Variants in CDH3 observed in about 807,000 individuals in gnomAD.
CDH3 encodes cadherin-3.
CDH3 carries 54 observed loss-of-function variants against 82.0 expected under a neutral mutation model. The ratio of observed to expected loss-of-function variants is 0.66; its 90% CI spans 0.53 to 0.83. The LOEUF is 0.83. Ranked by LOEUF, CDH3 falls within the 40% of genes least tolerant of loss-of-function variation. The pLI, the probability that CDH3 is intolerant of heterozygous loss-of-function variation, is 0.00. For synonymous variants in CDH3, 446 were observed against 437.9 expected, an observed-to-expected ratio of 1.02 and a Z score of -0.23; for missense variants, 1,054 against 1,084.6, an observed-to-expected ratio of 0.97 and a Z score of 0.40.
chr16:68,704,802 C>T (rs1041650255), downstream of CDH3, among the ~76,000 whole-genome samples: 3 of 152,202 alleles, frequency 2.0e-5, no homozygotes, highest in African/African-American at 7.2e-5. Flanking sequence ...CACCTGTAAT[C>T]CCAGCACTTT....
At chr16:68,661,892 T>C (rs1960590928) in intron 2 of CDH3, among the ~76,000 whole-genome samples, 1 of 152,232 alleles carries the variant, frequency 6.6e-6, no homozygotes, top group African/African-American at 2.4e-5. Flanking sequence ...GGTTTCGCCA[T>C]GTTGGCCAGG....
chr16:68,731,375 A>ATATATATATAT (rs1363109025), downstream of CDH3, among the ~76,000 whole-genome samples: 1 of 8,538 alleles, frequency 1.2e-4, no homozygotes, highest in Non-Finnish European at 2.3e-4. Context: ...TCTCAAAAAA[A>ATATATATATAT]AAAAAAAAAA....
intron 2 of CDH3, among the ~76,000 whole-genome samples, chr16:68,664,289 T>TGAATA (rs1346834580): frequency 6.6e-6 from 1 of 152,154 alleles, no homozygotes; most frequent in African/African-American, 2.4e-5. Context: ...AAAGAGATAC[T>TGAATA]GAATAGACAG....
chr16:68,710,105 G>C (rs553695564), intron 1 of CDH3, among the ~76,000 whole-genome samples: 1 of 152,356 alleles, frequency 6.6e-6, no homozygotes, highest in Non-Finnish European at 1.5e-5. Flanking sequence ...GAACCCACAG[G>C]AGATGGGGCG....
chr16:68,731,368 CAAAAA>C (rs869074059), downstream of CDH3, among the ~76,000 whole-genome samples: 30 of 2,268 alleles, frequency 0.013, 2 homozygotes, highest in Admixed American at 0.029. Flanking sequence ...AACTCCGTCT[CAAAAA>C]AAAAAAAAAA....
chr16:68,731,141 T>C (rs1202962565), downstream of CDH3, among the ~76,000 whole-genome samples: 1 of 124,248 alleles, frequency 8.0e-6, no homozygotes, highest in African/African-American at 3.1e-5. Context: ...TATATATATA[T>C]ATTAGGGCTG....
chr16:68,651,502 G>A, intron 2 of CDH3: 1 of 496,350 alleles, frequency 2.0e-6, no homozygotes, highest in Non-Finnish European at 4.0e-6. Context: ...TCGAAGTTTT[G>A]CTCCTGCTTC....
chr16:68,721,943 AGCTGG>A (rs1962169772), intron 1 of CDH3, among the ~76,000 whole-genome samples: 1 of 152,058 alleles, frequency 6.6e-6, no homozygotes, highest in Non-Finnish European at 1.5e-5. Context: ...TACAAAAGTT[AGCTGG>A]GTGTGTGGCG....
chr16:68,719,523 T>TTG (rs1171464734), intron 1 of CDH3, among the ~76,000 whole-genome samples: 8 of 147,014 alleles, frequency 5.4e-5, no homozygotes, highest in Non-Finnish European at 1.2e-4. Flanking sequence ...TTTTTTTTTT[T>TTG]TTGAGAGGGA....
In CDH3 at chr16:68,681,979, C is replaced by G. The variant is rs62057766; in HGVS notation, c.997-323C>G. Among the ~76,000 whole-genome samples, 846 of 152,316 alleles carry G rather than the reference C, an allele frequency of 5.6e-3. 9 individuals carry two copies. Among genetic ancestry groups the G allele is most frequent in the Middle Eastern group, 0.02 (6 of 294 alleles). On this transcript the variant is annotated intron_variant, in intron 8 of 15. Coordinates refer to ENST00000264012, the MANE Select transcript of CDH3 (RefSeq NM_001793.6). Reference sequence around the variant, plus strand: ...GCACCTAGCCCTTCTTGCCACCTTCCTTATTCCTTTCTGATCTCAGCTGGA... The same window carrying G: ...GCACCTAGCCCTTCTTGCCACCTTCGTTATTCCTTTCTGATCTCAGCTGGA...
chr16:68,683,002 C>T (rs1052001887), intron 9 of CDH3, among the ~76,000 whole-genome samples: 2 of 152,058 alleles, frequency 1.3e-5, no homozygotes, highest in Non-Finnish European at 2.9e-5. Flanking sequence ...ATTCCCAGCA[C>T]TTTAGGAGGC....
intron 1 of CDH3, among the ~76,000 whole-genome samples, chr16:68,716,419 G>A (rs542263660): frequency 2.6e-5 from 4 of 151,904 alleles, no homozygotes; most frequent in African/African-American, 7.2e-5. Flanking sequence ...CCAGGAGCTC[G>A]AGACCAGGCT....
At position 68,698,489 on chromosome 16, in the gene CDH3, A is replaced by G. The variant is rs972865481; in HGVS notation, c.*89A>G. 1 of 1,238,200 alleles carries G rather than the reference A, an allele frequency of 8.1e-7. No homozygotes were observed. Among genetic ancestry groups the G allele is most frequent in the Non-Finnish European group, 1.2e-6 (1 of 851,532 alleles). 76.7% of individuals were successfully genotyped at this position (1,238,200 alleles called of 1,614,324 possible). On this transcript the variant is annotated 3_prime_UTR_variant, in exon 16 of 16. Coordinates refer to ENST00000264012, the MANE Select transcript of CDH3 (RefSeq NM_001793.6). ...TTCCCCCTTCAGCTGAGGACTTCGG[A>G]GCTTGTCAGGAAGTGGCCGTAGCAA...
chr16:68,705,164 T>C (rs1037252796), downstream of CDH3, among the ~76,000 whole-genome samples: 1 of 152,182 alleles, frequency 6.6e-6, no homozygotes, highest in Non-Finnish European at 1.5e-5. Flanking sequence ...AGGTGGGCTC[T>C]TTTTACAATT....
At chr16:68,665,917 C>T (rs909723615) in intron 2 of CDH3, among the ~76,000 whole-genome samples, 5 of 152,172 alleles carry the variant, frequency 3.3e-5, no homozygotes, top group African/African-American at 9.7e-5. Context: ...GGGGGAAAAA[C>T]TCACATCAAA....
rs556924883 is a variant in CDH3, at chr16:68,695,256, C to T, written c.2004C>T (p.Phe668=). Residue 668 remains phenylalanine, a splice_region_variant and synonymous_variant, in exon 14 of 16, where the codon TTC becomes TTT. Coordinates refer to ENST00000264012, the MANE Select transcript of CDH3 (RefSeq NM_001793.6). ...PVLGAVLALL[F]LLLVLLLLVR... ...ACTCACACTCCCCAACCCTTGCAGT[C>T]CTCCTGCTGGTGCTGCTTTTGTTGG... is the stretch of plus-strand genomic sequence containing the variant. The T allele has an allele frequency of 1.2e-6, 2 of 1,614,122 alleles. No individual in the cohort carries two copies. Among genetic ancestry groups the T allele is most frequent in the South Asian group, 2.2e-5 (2 of 91,062 alleles).
At chr16:68,645,865 C>G (rs1447568594) in intron 2 of CDH3, 115 bp downstream of exon 2, 1 of 789,452 alleles carries the variant, frequency 1.3e-6, no homozygotes, top group African/African-American at 1.7e-5. Flanking sequence ...CCTCAGTTCC[C>G]GGGGAGGCGC....
exon 3 of CDH3, among the ~76,000 whole-genome samples, chr16:68,727,175 C>A (rs181760822): frequency 1.3e-5 from 2 of 152,130 alleles, no homozygotes; most frequent in African/African-American, 4.8e-5. Flanking sequence ...TGCCTTCTGC[C>A]CTTAAACATC....
chr16:68,672,509 C>T (rs905289767), intron 2 of CDH3, among the ~76,000 whole-genome samples: 1 of 152,178 alleles, frequency 6.6e-6, no homozygotes, highest in African/African-American at 2.4e-5. Context: ...GCAAAGCACT[C>T]ATCTTCTGAG....
Sources: allele counts gnomAD v4.1 joint callset (sites outside exome capture counted in the v4.1 genomes callset), GRCh38; gene constraint gnomAD v4.1.1; transcripts MANE v1.5; gene names NCBI Gene and HGNC (gene_info 2026-07-23, HGNC 2026-07-21).